The following PLXDC1 variants were observed in gnomAD, a reference collection of about 807,000 sequenced individuals.
PLXDC1 encodes the protein plexin domain containing 1.
In PLXDC1, 39 loss-of-function variants were observed where a neutral mutation model predicts 61.3. The observed-to-expected ratio is 0.64, with a 90% confidence interval of 0.49 to 0.83. The LOEUF (loss-of-function observed/expected upper bound fraction) is 0.83, where lower values mean the gene tolerates loss of function less well. Ranked by LOEUF, PLXDC1 falls within the 40% of genes least tolerant of loss-of-function variation. PLXDC1 has a pLI of 0.00. For missense variants in PLXDC1, 596 were observed against 666.5 expected (o/e 0.89, Z 1.17); for synonymous variants, 212 against 254.5 (o/e 0.83, Z 1.59).
chr17:39,087,799 G>T, intron 7 of PLXDC1, 97 bp from the exon 8 acceptor site: 1 of 822,064 alleles, frequency 1.2e-6, no homozygotes, highest in Non-Finnish European at 2.0e-6. Flanking sequence ...CTGCTGCACT[G>T]AAGGCAGTAA....
chr17:39,122,160 T>C (rs1911183385), intron 2 of PLXDC1, among the ~76,000 whole-genome samples: 1 of 149,734 alleles, frequency 6.7e-6, no homozygotes, highest in South Asian at 2.1e-4. Context: ...CCCAGCACTT[T>C]GGGAGGCCGA....
At chr17:39,148,678 G>A (rs1304991317) in intron 1 of PLXDC1, among the ~76,000 whole-genome samples, 1 of 151,782 alleles carries the variant, frequency 6.6e-6, no homozygotes, top group African/African-American at 2.4e-5. Flanking sequence ...CAGGTGATCC[G>A]CCGGCCTCGG....
At chr17:39,078,499 A>G (rs1160786430) in intron 10 of PLXDC1, among the ~76,000 whole-genome samples, 2 of 152,228 alleles carry the variant, frequency 1.3e-5, no homozygotes, top group African/African-American at 4.8e-5. Flanking sequence ...TGCTTGGCAC[A>G]TGCAGCATGC....
chr17:39,147,235 C>T (rs563827106), intron 1 of PLXDC1, among the ~76,000 whole-genome samples: 1 of 152,178 alleles, frequency 6.6e-6, no homozygotes, highest in African/African-American at 2.4e-5. Flanking sequence ...GGATTACAGG[C>T]GCGGGCCACC....
At chr17:39,131,825 CGAG>C in intron 2 of PLXDC1, 1 of 152,756 alleles carries the variant, frequency 6.5e-6, no homozygotes, top group East Asian at 1.9e-4. Flanking sequence ...GTGGTTTGTG[CGAG>C]GAGTCTGACT....
chr17:39,140,316 C>CTTTTTTTTTTT (rs772766013), intron 1 of PLXDC1, among the ~76,000 whole-genome samples: 104 of 151,138 alleles, frequency 6.9e-4, no homozygotes, highest in African/African-American at 2.3e-3. Flanking sequence ...TTTTCTTTTT[C>CTTTTTTTTTTT]TTTTTTTGAA....
At chr17:39,152,494 G>C, upstream of PLXDC1, 1 of 1,218,726 alleles carries the variant, frequency 8.2e-7, no homozygotes. Flanking sequence ...TTTAATAGAC[G>C]GCAAGGAATC....
intron 7 of PLXDC1, among the ~76,000 whole-genome samples, chr17:39,095,370 C>CCCCCCCCA (rs2143561632): frequency 2.1e-4 from 2 of 9,560 alleles, no homozygotes; most frequent in Admixed American, 7.0e-4. Flanking sequence ...ACGCCCCGCC[C>CCCCCCCCA]CCCCCCCCCA....
intron 2 of PLXDC1, among the ~76,000 whole-genome samples, chr17:39,131,599 C>T (rs1266111491): frequency 1.3e-5 from 2 of 152,066 alleles, no homozygotes; most frequent in Non-Finnish European, 2.9e-5. Flanking sequence ...GTGATATGCC[C>T]TCCTTGGCCT....
In PLXDC1 at chr17:39,067,704, C is replaced by T. The variant is rs991553587; in HGVS notation, c.*136G>A. 1.3e-5 allele frequency: 11 copies of T among 819,552 alleles called. No individual in the cohort carries two copies. In the East Asian group the frequency reaches 1.8e-4, roughly 13 times the overall value. 50.8% of individuals were successfully genotyped at this position (819,552 alleles called of 1,614,324 possible). A position where few individuals can be genotyped will look rare whatever the true frequency, so the allele number is the denominator to read the frequency against. ...CGGGGTGTGCTGACGAAGCGAGCAG[C>T]AGCTCTGGAGCCATAAACCACCATC... On this transcript the variant is annotated 3_prime_UTR_variant, in exon 14 of 14. Coordinates refer to ENST00000315392, the MANE Select transcript of PLXDC1 (RefSeq NM_020405.5).
In PLXDC1 at chr17:39,075,145, G is replaced by A. The variant is rs527708950; in HGVS notation, c.1187-2660C>T. 3.3e-5 allele frequency among the ~76,000 whole-genome samples: 5 copies of A among 152,208 alleles called. No individual in the cohort carries two copies. The East Asian group carries it at 9.7e-4, about 29-fold the overall frequency. ...CAGCTAATTTTTGATTTTTTGTAGA[G>A]ACATAGTTTTGCCATGTTGCCCAGG... On this transcript the variant is annotated intron_variant, in intron 11 of 13. Coordinates refer to ENST00000315392, the MANE Select transcript of PLXDC1 (RefSeq NM_020405.5).
intron 2 of PLXDC1, among the ~76,000 whole-genome samples, chr17:39,129,799 G>T (rs1385223144): frequency 6.7e-6 from 1 of 149,794 alleles, no homozygotes; most frequent in African/African-American, 2.5e-5. Context: ...GAGAAAGAAA[G>T]AAAGAAAGGG....
At chr17:39,114,618 T>G (rs1037709907) in intron 2 of PLXDC1, among the ~76,000 whole-genome samples, 2 of 152,198 alleles carry the variant, frequency 1.3e-5, no homozygotes, top group African/African-American at 4.8e-5. Context: ...AATGGAGGAT[T>G]TGTTGAGCAA....
chr17:39,139,532 T>G, intron 2 of PLXDC1, 122 bp downstream of exon 2: 1 of 914,038 alleles, frequency 1.1e-6, no homozygotes. Flanking sequence ...CTCTCCACCC[T>G]GTCCTCCGGG....
intron 7 of PLXDC1, among the ~76,000 whole-genome samples, chr17:39,100,609 C>T (rs373506315): frequency 6.6e-6 from 1 of 152,222 alleles, no homozygotes; most frequent in East Asian, 1.9e-4. Flanking sequence ...GAGGTCCTGG[C>T]TGAATTGTGC....
chr17:39,082,420 C>T (rs1462374085), intron 9 of PLXDC1, among the ~76,000 whole-genome samples: 1 of 152,070 alleles, frequency 6.6e-6, no homozygotes, highest in East Asian at 1.9e-4. Context: ...AAAAAATTAG[C>T]TGGGTGTGGT....
intron 7 of PLXDC1, among the ~76,000 whole-genome samples, chr17:39,093,159 G>A (rs1456942422): frequency 1.3e-5 from 2 of 152,110 alleles, no homozygotes; most frequent in Non-Finnish European, 2.9e-5. Flanking sequence ...CCTTGGCTTC[G>A]TGGGCTCAAG....
At chr17:39,109,799 C>T (rs529733576) in intron 2 of PLXDC1, among the ~76,000 whole-genome samples, 10 of 152,248 alleles carry the variant, frequency 6.6e-5, no homozygotes, top group South Asian at 2.1e-4. Flanking sequence ...GCTCCCAGGC[C>T]GAGGGAGAGT....
intron 8 of PLXDC1, among the ~76,000 whole-genome samples, chr17:39,087,157 C>A (rs910970778): frequency 1.3e-5 from 2 of 152,172 alleles, no homozygotes; most frequent in Non-Finnish European, 2.9e-5. Flanking sequence ...AGGCCACCTG[C>A]TAAGTCCCTC....
Sources: gnomAD v4.1 joint callset for allele counts (sites outside exome capture counted in the v4.1 genomes callset) on GRCh38, gnomAD v4.1.1 for gene constraint, MANE v1.5 for transcripts, NCBI Gene and HGNC (gene_info 2026-07-23, HGNC 2026-07-21) for gene names.